GRID2: variants seen among roughly 807,000 people sequenced by gnomAD.
The protein encoded by GRID2 is glutamate receptor ionotropic, delta-2.
A neutral mutation model predicts 114.8 loss-of-function variants in GRID2; 33 were observed. The observed-to-expected ratio is 0.29, with a 90% CI of 0.22 to 0.38. GRID2 has a LOEUF of 0.38. GRID2 is among the 10% of genes least tolerant of loss of function. The probability of loss-of-function intolerance (pLI) is 1.00; values close to 1 mark genes in which losing one functional copy is unlikely to be tolerated. For missense variants in GRID2, 1,184 were observed against 1,257.7 expected (o/e 0.94, Z 0.89); for synonymous variants, 505 against 449.9 (o/e 1.12, Z -1.55).
chr4:92,972,870 G>T (rs1388500095), intron 2 of GRID2, among the ~76,000 whole-genome samples: 1 of 152,054 alleles, frequency 6.6e-6, no homozygotes, highest in Admixed American at 6.6e-5. Context: ...TGGTTTTGCT[G>T]TTCCTGTGTT....
rs182910790 is a variant in GRID2 at position 92,915,121 on chromosome 4, G to A, written c.245-169874G>A. Reference sequence around the variant, plus strand: ...GAAGGAGTAGTGCTGAGCGAAGGGGGAAGAGTCCCTTATTAAACCATCAGA... The same window carrying A: ...GAAGGAGTAGTGCTGAGCGAAGGGGAAAGAGTCCCTTATTAAACCATCAGA... On this transcript the variant is annotated intron_variant, in intron 2 of 15. Transcript: ENST00000282020. Among the ~76,000 whole-genome samples, 963 of 152,214 alleles carry A rather than the reference G, an allele frequency of 6.3e-3. 7 individuals carry two copies. Among genetic ancestry groups the A allele is most frequent in the Middle Eastern group, 0.017 (5 of 294 alleles).
chr4:93,693,063 T>C (rs1185418785), intron 14 of GRID2, among the ~76,000 whole-genome samples: 1 of 152,220 alleles, frequency 6.6e-6, no homozygotes, highest in African/African-American at 2.4e-5. Flanking sequence ...TATGTTTTAC[T>C]ACATTTCAGA....
At chr4:92,545,571 T>C (rs1726205244) in intron 1 of GRID2, among the ~76,000 whole-genome samples, 1 of 152,220 alleles carries the variant, frequency 6.6e-6, no homozygotes, top group Non-Finnish European at 1.5e-5. Flanking sequence ...TGAATTGGCA[T>C]ACTTTAAAGT....
intron 10 of GRID2, among the ~76,000 whole-genome samples, chr4:93,434,562 A>G (rs903451873): frequency 6.6e-6 from 1 of 152,040 alleles, no homozygotes; most frequent in Non-Finnish European, 1.5e-5. Context: ...AACAAAAACA[A>G]AAAAAAACAG....
chr4:93,736,673 A>G (rs1304577301), intron 14 of GRID2, among the ~76,000 whole-genome samples: 2 of 151,944 alleles, frequency 1.3e-5, no homozygotes, highest in Admixed American at 1.3e-4. Flanking sequence ...AATAATTACT[A>G]ATAATAAGTC....
At chr4:93,717,831 C>T (rs1476819635) in intron 14 of GRID2, among the ~76,000 whole-genome samples, 4 of 152,106 alleles carry the variant, frequency 2.6e-5, no homozygotes, top group African/African-American at 9.7e-5. Context: ...AGGGTTAAAA[C>T]AAGTCAACCA....
At chr4:93,487,235 C>T (rs964791016) in intron 11 of GRID2, among the ~76,000 whole-genome samples, 2 of 151,740 alleles carry the variant, frequency 1.3e-5, no homozygotes, top group Non-Finnish European at 2.9e-5. Flanking sequence ...TTTTAAAGAA[C>T]CAAACTTCTG....
At chr4:92,376,342 C>T (rs969770124) in intron 1 of GRID2, among the ~76,000 whole-genome samples, 2 of 151,950 alleles carry the variant, frequency 1.3e-5, no homozygotes, top group Non-Finnish European at 2.9e-5. Flanking sequence ...CGAAAATGAC[C>T]TCCTTCATAT....
At chr4:92,523,912 A>G (rs927178370) in intron 1 of GRID2, among the ~76,000 whole-genome samples, 2 of 152,080 alleles carry the variant, frequency 1.3e-5, no homozygotes. Flanking sequence ...TAAGAGTATC[A>G]TGTCTCCCTC....
At chr4:93,805,830 C>A (rs78071228) in intron 1 of GRID2, among the ~76,000 whole-genome samples, 14,877 of 152,246 alleles carry the variant, frequency 0.098, 889 homozygotes, top group Middle Eastern at 0.18. Flanking sequence ...AGTGTGGTGG[C>A]TCACGCCTGT....
chr4:92,674,378 A>C (rs1474866888), intron 2 of GRID2, among the ~76,000 whole-genome samples: 4 of 151,944 alleles, frequency 2.6e-5, no homozygotes, highest in Admixed American at 2.0e-4. Flanking sequence ...AAGTTCACTC[A>C]TTCTTTATTC....
intron 14 of GRID2, among the ~76,000 whole-genome samples, chr4:93,654,681 A>G (rs1404979180): frequency 1.3e-5 from 2 of 152,214 alleles, no homozygotes; most frequent in African/African-American, 4.8e-5. Context: ...AAGGCCAACA[A>G]AATGTAGGAT....
intron 2 of GRID2, among the ~76,000 whole-genome samples, chr4:92,608,930 G>A (rs951897654): frequency 6.6e-6 from 1 of 151,680 alleles, no homozygotes; most frequent in African/African-American, 2.4e-5. Flanking sequence ...AATACTGTAA[G>A]TGCTAAATAC....
chr4:93,023,850 C>T (rs747358052), intron 2 of GRID2, among the ~76,000 whole-genome samples: 2 of 151,736 alleles, frequency 1.3e-5, no homozygotes, highest in African/African-American at 2.4e-5. Flanking sequence ...AATAATAGAG[C>T]ACCTGTAGCT....
chr4:92,594,423 A>C (rs1728852462), intron 2 of GRID2, among the ~76,000 whole-genome samples: 1 of 151,928 alleles, frequency 6.6e-6, no homozygotes, highest in Admixed American at 6.6e-5. Context: ...ATGTATTTTT[A>C]AGGTAACTTT....
At chr4:92,757,628 A>G (rs759374076) in intron 2 of GRID2, among the ~76,000 whole-genome samples, 7 of 152,064 alleles carry the variant, frequency 4.6e-5, no homozygotes, top group Non-Finnish European at 7.4e-5. Flanking sequence ...TCATCTATGA[A>G]AAGAGTATGA....
chr4:92,785,220 G>A (rs552686127), intron 2 of GRID2, among the ~76,000 whole-genome samples: 2 of 150,970 alleles, frequency 1.3e-5, no homozygotes, highest in Non-Finnish European at 3.0e-5. Context: ...GTAGACAAAC[G>A]GATGAAGCTA....
chr4:93,419,292 G>C (rs1768033920), intron 9 of GRID2, among the ~76,000 whole-genome samples: 1 of 151,846 alleles, frequency 6.6e-6, no homozygotes, highest in South Asian at 2.1e-4. Flanking sequence ...TGATGCAGTA[G>C]CTAGCTGCTC....
chr4:93,215,531 G>A (rs535783273), intron 5 of GRID2, among the ~76,000 whole-genome samples: 154 of 151,942 alleles, frequency 1.0e-3, no homozygotes, highest in African/African-American at 3.4e-3. Flanking sequence ...CAGACTAAAG[G>A]AAAAAGACGG....
Sources: gnomAD v4.1 joint callset for allele counts (sites outside exome capture counted in the v4.1 genomes callset) on GRCh38, gnomAD v4.1.1 for gene constraint, MANE v1.5 for transcripts, NCBI Gene and HGNC (gene_info 2026-07-23, HGNC 2026-07-21) for gene names.